PTBP3: variants seen among roughly 807,000 people sequenced by gnomAD.
PTBP3 encodes the protein polypyrimidine tract-binding protein 3.
In PTBP3, 20 loss-of-function variants were observed where a neutral mutation model predicts 58.7. The ratio of observed to expected loss-of-function variants is 0.34; its 90% CI spans 0.24 to 0.50. The LOEUF (loss-of-function observed/expected upper bound fraction) is 0.50, where lower values mean the gene tolerates loss of function less well. Among genes scored for constraint, PTBP3 ranks in the 20% least tolerant of loss-of-function variants. PTBP3 has a pLI of 0.98. For synonymous variants in PTBP3, 185 were observed against 219.8 expected, an observed-to-expected ratio of 0.84 and a Z score of 1.40; for missense variants, 509 against 637.2, an observed-to-expected ratio of 0.80 and a Z score of 2.17.
At chr9:112,285,589 C>T (rs941259145) in intron 2 of PTBP3, among the ~76,000 whole-genome samples, 5 of 152,130 alleles carry the variant, frequency 3.3e-5, no homozygotes, top group Admixed American at 3.3e-4. Context: ...CGTTGTGGGT[C>T]ACAGGATCTC....
At chr9:112,333,047 C>G (rs1188624909) in intron 1 of PTBP3, 1 of 1,268,032 alleles carries the variant, frequency 7.9e-7, no homozygotes, top group East Asian at 3.2e-5. Flanking sequence ...AGCAACTCCC[C>G]CGGCAGGAGG....
chr9:112,287,290 G>C (rs190504607), intron 2 of PTBP3, among the ~76,000 whole-genome samples: 1 of 141,990 alleles, frequency 7.0e-6, no homozygotes, highest in Non-Finnish European at 1.5e-5. Flanking sequence ...TAGACTGCTT[G>C]ATTTTGTCCA....
chr9:112,317,521 G>A (rs1031823631), intron 1 of PTBP3, among the ~76,000 whole-genome samples: 7 of 152,118 alleles, frequency 4.6e-5, no homozygotes, highest in South Asian at 2.1e-4. Flanking sequence ...GAATAAAACC[G>A]AAAGCTGCTT....
chr9:112,298,697 T>G, intron 1 of PTBP3: 1 of 325,548 alleles, frequency 3.1e-6, no homozygotes, highest in South Asian at 2.7e-5. Flanking sequence ...CAAACAATCC[T>G]ACAAATATTA....
the PTBP3 span, among the ~76,000 whole-genome samples, chr9:112,367,626 C>T: frequency 6.6e-6 from 1 of 152,084 alleles, no homozygotes; most frequent in Non-Finnish European, 1.5e-5. Context: ...CCATGGTTTC[C>T]TGGCCTGCAA....
downstream of PTBP3, chr9:112,218,276 G>A (rs1477557333): frequency 6.6e-6 from 1 of 152,120 alleles, no homozygotes; most frequent in Non-Finnish European, 1.5e-5. Context: ...TAGATTTTGT[G>A]TTTTTCCCAT....
At chr9:112,296,761 C>G (rs1828707382) in intron 2 of PTBP3, among the ~76,000 whole-genome samples, 1 of 152,158 alleles carries the variant, frequency 6.6e-6, no homozygotes, top group South Asian at 2.1e-4. Context: ...CAACTCTGTT[C>G]TTCCTACATT....
chr9:112,220,048 A>T lies in PTBP3; in HGVS notation c.*3803T>A, dbSNP rs1834749607. 4.4e-6 allele frequency: 5 copies of T among 1,141,178 alleles called. No homozygotes were observed. In the South Asian group the frequency reaches 8.3e-5, roughly 19 times the overall value. The allele number at this position is 1,141,178 out of a possible 1,614,324, so 70.7% of individuals were successfully genotyped here. On this transcript the variant is annotated 3_prime_UTR_variant, in exon 14 of 14. Coordinates refer to ENST00000374257, the MANE Select transcript of PTBP3 (RefSeq NM_001163788.4). ...GCAGTTTTGTTCTCATTAACAGATCAAGACAAAGGAAAGGCTAAGAAAAAT... is the reference window on the plus strand; with the variant it reads ...GCAGTTTTGTTCTCATTAACAGATCTAGACAAAGGAAAGGCTAAGAAAAAT...
Position 112,223,315 on chromosome 9 carries a change from T to TGGAACCATCAA in PTBP3, c.*535_*536insTTGATGGTTCC. On this transcript the variant is annotated 3_prime_UTR_variant, in exon 14 of 14. Coordinates refer to ENST00000374257, the MANE Select transcript of PTBP3 (RefSeq NM_001163788.4). ...CTGCTTCCAACACAACTCAATGTGT[T>TGGAACCATCAA]TATGCATAATAACCATCAATATATG... The TGGAACCATCAA allele has an allele frequency of 3.1e-6, 3 of 969,850 alleles. No homozygotes were observed. The South Asian group carries it at 1.4e-4, about 46-fold the overall frequency. 60.1% of individuals were successfully genotyped at this position (969,850 alleles called of 1,614,324 possible). A position where few individuals can be genotyped will look rare whatever the true frequency, so the allele number is the denominator to read the frequency against.
chr9:112,321,288 T>C (rs191763951), intron 1 of PTBP3, among the ~76,000 whole-genome samples: 68 of 152,152 alleles, frequency 4.5e-4, no homozygotes, highest in African/African-American at 1.6e-3. Flanking sequence ...TCCAGCACTT[T>C]GGGAGGCCGA....
At position 112,328,089 on chromosome 9, in the gene PTBP3, A is replaced by G. The variant is rs1027492464; in HGVS notation, c.-52+5381T>C. Reference sequence around the variant, plus strand: ...TTTTCAATTCTTTTTTTAAAAGTCCATATTACTCTTCTGAATCCAGGGAAG... The same window carrying G: ...TTTTCAATTCTTTTTTTAAAAGTCCGTATTACTCTTCTGAATCCAGGGAAG... On this transcript the variant is annotated intron_variant, in intron 1 of 13. Transcript: ENST00000374257. Among the ~76,000 whole-genome samples the G allele has an allele frequency of 2.6e-5, 4 of 152,228 alleles. No homozygotes were observed. The South Asian group carries it at 8.3e-4, about 31-fold the overall frequency.
chr9:112,230,712 G>C (rs970235726), intron 10 of PTBP3, among the ~76,000 whole-genome samples: 4 of 152,104 alleles, frequency 2.6e-5, no homozygotes, highest in African/African-American at 9.7e-5. Context: ...TAATCATACT[G>C]CTCATTAGAT....
intron 7 of PTBP3, among the ~76,000 whole-genome samples, chr9:112,237,511 C>T (rs552180549): frequency 9.9e-4 from 150 of 152,272 alleles, no homozygotes; most frequent in African/African-American, 3.5e-3. Context: ...CCTAAAGAAA[C>T]AAGCTTAATG....
At chr9:112,336,222 C>T (rs1266465192), upstream of PTBP3, among the ~76,000 whole-genome samples, 2 of 152,182 alleles carry the variant, frequency 1.3e-5, no homozygotes, top group South Asian at 2.1e-4. Context: ...GTGGAAATTA[C>T]GTTGTTTCCA....
At chr9:112,279,366 G>A (rs577422847) in intron 2 of PTBP3, among the ~76,000 whole-genome samples, 7 of 152,266 alleles carry the variant, frequency 4.6e-5, no homozygotes, top group African/African-American at 1.4e-4. Context: ...TATCAGTCAC[G>A]CTTCCAAAGA....
At chr9:112,259,268 T>G (rs777444272) in intron 5 of PTBP3, among the ~76,000 whole-genome samples, 23 of 152,146 alleles carry the variant, frequency 1.5e-4, no homozygotes, top group Non-Finnish European at 2.2e-4. Context: ...ATTCTTAATA[T>G]AGCAACAAGA....
intron 3 of PTBP3, among the ~76,000 whole-genome samples, chr9:112,270,658 C>T (rs892890912): frequency 7.2e-5 from 11 of 152,138 alleles, no homozygotes; most frequent in African/African-American, 1.4e-4. Flanking sequence ...ACTAAGAATT[C>T]TCCCCATTCC....
intron 2 of PTBP3, among the ~76,000 whole-genome samples, chr9:112,295,934 A>G (rs1828666228): frequency 6.6e-6 from 1 of 152,232 alleles, no homozygotes; most frequent in Non-Finnish European, 1.5e-5. Flanking sequence ...CTTGTCCAAC[A>G]TGCAGCCTGT....
chr9:112,322,131 T>C (rs10981357), intron 1 of PTBP3, among the ~76,000 whole-genome samples: 34,722 of 86,440 alleles, frequency 0.4, 5,673 homozygotes, highest in South Asian at 0.56. Context: ...CGAGACTCCA[T>C]CTCAAAAAAA....
Sources: gnomAD v4.1 joint callset for allele counts (sites outside exome capture counted in the v4.1 genomes callset) on GRCh38, gnomAD v4.1.1 for gene constraint, MANE v1.5 for transcripts, NCBI Gene and HGNC (gene_info 2026-07-23, HGNC 2026-07-21) for gene names.